AKAP11: variants seen among roughly 807,000 people sequenced by gnomAD.
AKAP11 encodes the protein A-kinase anchor protein 11.
AKAP11 carries 36 observed loss-of-function variants against 146.1 expected under a neutral mutation model. The ratio of observed to expected loss-of-function variants is 0.25; its 90% CI spans 0.19 to 0.33. The LOEUF is 0.33. Among genes scored for constraint, AKAP11 ranks in the 10% least tolerant of loss-of-function variants. AKAP11 has a pLI of 1.00. For missense variants in AKAP11, 2,201 were observed against 2,197.0 expected, an observed-to-expected ratio of 1.00 and a Z score of -0.04; for synonymous variants, 780 against 786.5, an observed-to-expected ratio of 0.99 and a Z score of 0.14.
intron 4 of AKAP11, among the ~76,000 whole-genome samples, chr13:42,293,027 CTTTG>C (rs1959288295): frequency 6.6e-6 from 1 of 152,120 alleles, no homozygotes; most frequent in African/African-American, 2.4e-5. Context: ...TGTTTCAAAT[CTTTG>C]TTTGAATTTA....
intron 3 of AKAP11, 96 bp from the exon 4 acceptor site, chr13:42,292,289 A>G (rs1176504161): frequency 1.7e-6 from 1 of 603,054 alleles, no homozygotes; most frequent in African/African-American, 1.8e-5. Context: ...AATATTAGTT[A>G]GAGAATGAGT....
chr13:42,291,957 G>A (rs1959228179), intron 3 of AKAP11, among the ~76,000 whole-genome samples: 1 of 152,142 alleles, frequency 6.6e-6, no homozygotes, highest in Non-Finnish European at 1.5e-5. Flanking sequence ...TGTTAATGGA[G>A]TAATCACTGT....
chr13:42,314,674 C>A (rs1960734730), intron 11 of AKAP11, among the ~76,000 whole-genome samples: 1 of 152,042 alleles, frequency 6.6e-6, no homozygotes, highest in African/African-American at 2.4e-5. Flanking sequence ...TTACGTGAGT[C>A]AGTAAGTAAT....
At position 42,278,284 on chromosome 13, in the gene AKAP11, C is replaced by T. The variant is rs114321278; in HGVS notation, c.-100+6056C>T. 9.6e-3 allele frequency among the ~76,000 whole-genome samples: 1,461 copies of T among 152,200 alleles called. 18 individuals carry two copies. Among genetic ancestry groups the T allele is most frequent in the African/African-American group, 0.032 (1,343 of 41,508 alleles). ...TAAGACATACTAAAATCATTTTATA[C>T]GATTGACTGTTGTTTTGAAAAACAA... On this transcript the variant is annotated intron_variant, in intron 1 of 12. Coordinates refer to ENST00000025301, the MANE Select transcript of AKAP11 (RefSeq NM_016248.4).
Position 42,319,804 on chromosome 13 carries a change from A to C in AKAP11, c.*576A>C, listed in dbSNP as rs1435690116. 6.6e-6 allele frequency: 1 copy of C among 152,502 alleles called. No homozygotes were observed. Among genetic ancestry groups the C allele is most frequent in the East Asian group, 1.9e-4 (1 of 5,336 alleles). The allele number at this position is 152,502 out of a possible 1,614,324, so 9.4% of individuals were successfully genotyped here. ...CCCAAACTATTTAATTTCTTAGCAG[A>C]AACATTAGTATTTTAGGTTTCTATA... On this transcript the variant is annotated 3_prime_UTR_variant, in exon 13 of 13. Coordinates refer to ENST00000025301, the MANE Select transcript of AKAP11 (RefSeq NM_016248.4).
At chr13:42,310,515 T>C (rs1472491516) in intron 9 of AKAP11, among the ~76,000 whole-genome samples, 3 of 152,192 alleles carry the variant, frequency 2.0e-5, no homozygotes, top group Non-Finnish European at 4.4e-5. Context: ...TTGATATCTA[T>C]ACTGTTCTTT....
At chr13:42,311,836 GT>G (rs1960580793) in intron 9 of AKAP11, among the ~76,000 whole-genome samples, 1 of 152,048 alleles carries the variant, frequency 6.6e-6, no homozygotes, top group South Asian at 2.1e-4. Context: ...GGTTTTAACA[GT>G]TTTATAATAG....
rs924677855 is a variant in AKAP11, at chr13:42,323,055, CTT to C, written c.*3832_*3833del. On this transcript the variant is annotated 3_prime_UTR_variant, in exon 13 of 13. Coordinates refer to ENST00000025301, the MANE Select transcript of AKAP11 (RefSeq NM_016248.4). ...GATCTTGTACTGTGTAACAGTAACT[CTT>C]TTTTGCTTTTCAGTAATTTAATATG... 6.5e-6 allele frequency: 1 copy of C among 152,748 alleles called. No homozygotes were observed. The allele number at this position is 152,748 out of a possible 1,614,324, so 9.5% of individuals were successfully genotyped here. A position where few individuals can be genotyped will look rare whatever the true frequency, so the allele number is the denominator to read the frequency against.
intron 10 of AKAP11, 30 bp downstream of exon 10, chr13:42,313,160 A>G: frequency 6.5e-7 from 1 of 1,534,324 alleles, no homozygotes; most frequent in Non-Finnish European, 9.0e-7. Context: ...TTAAAAACTG[A>G]TGAGTCTGTC....
rs371688727 is a variant in AKAP11, at chr13:42,319,154, T to C, written c.5632T>C (p.Tyr1878His). The change falls in exon 13 of 13, where the codon TAT becomes CAT. Residue 1878 changes from tyrosine to histidine, a missense_variant. Physicochemically the swap from Tyr to His is moderately conservative, Grantham distance 83. Coordinates refer to ENST00000025301, the MANE Select transcript of AKAP11 (RefSeq NM_016248.4). ...GDLLQAVLQY[Y>H]EVMEKASSEE... Reference sequence around the variant, plus strand: ...CCTCCTGCAGGCTGTGCTTCAATACTATGAAGTGATGGAAAAAGCTTCCAG... The same window carrying C: ...CCTCCTGCAGGCTGTGCTTCAATACCATGAAGTGATGGAAAAAGCTTCCAG... 3 of 1,614,102 alleles carry C rather than the reference T, an allele frequency of 1.9e-6. No homozygotes were observed. Among genetic ancestry groups the C allele is most frequent in the Non-Finnish European group, 2.5e-6 (3 of 1,179,962 alleles).
intron 9 of AKAP11, among the ~76,000 whole-genome samples, chr13:42,311,376 C>A (rs780928323): frequency 6.6e-6 from 1 of 152,154 alleles, no homozygotes; most frequent in Non-Finnish European, 1.5e-5. Flanking sequence ...GATCATACTT[C>A]CCACTTAGGA....
At chr13:42,292,324 C>A (rs555566408) in intron 3 of AKAP11, 61 bp from the exon 4 acceptor site, 3 of 1,045,108 alleles carry the variant, frequency 2.9e-6, no homozygotes, top group Non-Finnish European at 4.2e-6. Flanking sequence ...TCTCCAGGAT[C>A]TCTTACCCTT....
chr13:42,318,161 A>T (rs1395130366), intron 12 of AKAP11, among the ~76,000 whole-genome samples: 1 of 152,246 alleles, frequency 6.6e-6, no homozygotes, highest in Non-Finnish European at 1.5e-5. Context: ...AGCCGATAAA[A>T]GTTTAAACAA....
In AKAP11 at chr13:42,301,922, C is replaced by CT; in HGVS notation, c.3180dup (p.Gly1061TrpfsTer28). ...AATAGTACATCACTTGAGGCCTTGT[C>CT]TTTTGGACAGGAAAACCCCTTTCCT... On this transcript the variant is annotated frameshift_variant, in exon 8 of 13. Coordinates refer to ENST00000025301, the MANE Select transcript of AKAP11 (RefSeq NM_016248.4). LOFTEE classifies it high-confidence loss of function. 6.2e-7 allele frequency: 1 copy of CT among 1,614,162 alleles called. No individual in the cohort carries two copies. Among genetic ancestry groups the CT allele is most frequent in the Non-Finnish European group, 8.5e-7 (1 of 1,180,008 alleles).
At chr13:42,289,994 T>C (rs1377168527) in intron 3 of AKAP11, among the ~76,000 whole-genome samples, 1 of 152,122 alleles carries the variant, frequency 6.6e-6, no homozygotes, top group Admixed American at 6.6e-5. Flanking sequence ...TCTTTGAAAA[T>C]CATTAATTCA....
At chr13:42,316,192 A>G (rs1399299196) in intron 11 of AKAP11, among the ~76,000 whole-genome samples, 2 of 152,220 alleles carry the variant, frequency 1.3e-5, no homozygotes. Flanking sequence ...TTAATTAAAA[A>G]TTAGGGACCA....
intron 1 of AKAP11, among the ~76,000 whole-genome samples, chr13:42,275,005 G>T (rs77314592): frequency 0.021 from 3,272 of 152,222 alleles, 114 homozygotes; most frequent in African/African-American, 0.072. Flanking sequence ...AATGGTTTGA[G>T]GATTCTTTGA....
At chr13:42,308,046 C>T (rs772945697) in intron 8 of AKAP11, among the ~76,000 whole-genome samples, 11 of 152,090 alleles carry the variant, frequency 7.2e-5, no homozygotes, top group East Asian at 1.9e-4. Context: ...ATTTCTTGAA[C>T]GACTTTTTTG....
rs754231442 is a variant in AKAP11 at position 42,313,051 on chromosome 13, G to A, written c.5278G>A (p.Gly1760Ser). Residue 1760 changes from glycine to serine, a missense_variant, in exon 10 of 13, where the codon GGT becomes AGT. By Grantham distance (56) the Gly-to-Ser change is moderately conservative (BLOSUM62 0). Coordinates refer to ENST00000025301, the MANE Select transcript of AKAP11 (RefSeq NM_016248.4). ...SSFHHLSESN[G>S]NSSSWSSLGL... ...GTTCTTTTCTTCCTCTGGCAGTAAT[G>A]GTAACAGCAGTAGCTGGAGCAGTCT... The A allele has an allele frequency of 6.2e-7, 1 of 1,612,372 alleles. No individual in the cohort carries two copies. Among genetic ancestry groups the A allele is most frequent in the Non-Finnish European group, 8.5e-7 (1 of 1,179,174 alleles).
Sources: gnomAD v4.1 joint callset for allele counts (sites outside exome capture counted in the v4.1 genomes callset) on GRCh38, gnomAD v4.1.1 for gene constraint, MANE v1.5 for transcripts, NCBI Gene and HGNC (gene_info 2026-07-23, HGNC 2026-07-21) for gene names.